The following RASAL2 variants were observed in gnomAD, a reference collection of about 807,000 sequenced individuals.
RASAL2 encodes RAS protein activator like 2.
RASAL2 carries 58 observed loss-of-function variants against 128.9 expected under a neutral mutation model. The observed-to-expected ratio is 0.45, with a 90% CI of 0.36 to 0.56. RASAL2 has a LOEUF of 0.56. Among genes scored for constraint, RASAL2 ranks in the 20% least tolerant of loss-of-function variants. The pLI is 0.00. For synonymous variants in RASAL2, 561 were observed against 580.8 expected (o/e 0.97, Z 0.49); for missense variants, 1,360 against 1,601.6 (o/e 0.85, Z 2.57).
intron 2 of RASAL2, among the ~76,000 whole-genome samples, chr1:178,289,507 GTCTC>G (rs1463034144): frequency 1.1e-4 from 17 of 151,996 alleles, no homozygotes; most frequent in Non-Finnish European, 2.1e-4. Context: ...AAAAGATGGA[GTCTC>G]ACTATGTTGC....
At chr1:178,440,655 C>A (rs1353985762) in intron 6 of RASAL2, among the ~76,000 whole-genome samples, 1 of 152,076 alleles carries the variant, frequency 6.6e-6, no homozygotes, top group East Asian at 1.9e-4. Context: ...GTTGAACTTT[C>A]TTGTATTTGC....
chr1:178,332,365 G>A (rs1374907555), intron 3 of RASAL2, among the ~76,000 whole-genome samples: 1 of 151,792 alleles, frequency 6.6e-6, no homozygotes, highest in Non-Finnish European at 1.5e-5. Context: ...AATTAGCCAG[G>A]GGTGGTGGCA....
chr1:178,172,952 T>TTAAAATTGTGTAAATTATTGTG (rs1661753112), intron 1 of RASAL2, among the ~76,000 whole-genome samples: 2 of 152,270 alleles, frequency 1.3e-5, no homozygotes. Context: ...TCAGTGTGTC[T>TTAAAATTGTGTAAATTATTGTG]TAAAATTGTG....
At chr1:178,419,516 G>A (rs1382322055) in intron 4 of RASAL2, among the ~76,000 whole-genome samples, 1 of 151,774 alleles carries the variant, frequency 6.6e-6, no homozygotes. Context: ...TTAAATTCCT[G>A]GCCTCAAGCT....
At chr1:178,220,117 A>G (rs1663566764) in intron 1 of RASAL2, among the ~76,000 whole-genome samples, 1 of 152,112 alleles carries the variant, frequency 6.6e-6, no homozygotes, top group South Asian at 2.1e-4. Flanking sequence ...AAGCTTCCTG[A>G]GGCTGTCACC....
At chr1:178,363,906 C>T (rs893687152) in intron 3 of RASAL2, among the ~76,000 whole-genome samples, 13 of 152,088 alleles carry the variant, frequency 8.5e-5, no homozygotes, top group African/African-American at 2.9e-4. Flanking sequence ...ACCATCCTGG[C>T]TAACACGGTG....
At chr1:178,103,155 T>C (rs777635995) in intron 1 of RASAL2, among the ~76,000 whole-genome samples, 1 of 152,180 alleles carries the variant, frequency 6.6e-6, no homozygotes, top group Non-Finnish European at 1.5e-5. Context: ...CTGATTTTTA[T>C]CTGCACTTTG....
At chr1:178,338,321 G>A (rs895646081) in intron 3 of RASAL2, among the ~76,000 whole-genome samples, 13 of 151,562 alleles carry the variant, frequency 8.6e-5, no homozygotes, top group Non-Finnish European at 1.6e-4. Context: ...ATAGAGATGG[G>A]GTTTTACCAT....
intron 1 of RASAL2, among the ~76,000 whole-genome samples, chr1:178,268,505 A>G (rs1008961871): frequency 2.0e-5 from 3 of 152,034 alleles, no homozygotes; most frequent in Non-Finnish European, 4.4e-5. Context: ...GTGGTGGTGC[A>G]TGTCTGTCAT....
At chr1:178,278,139 G>A (rs1156297975) in intron 1 of RASAL2, among the ~76,000 whole-genome samples, 1 of 152,154 alleles carries the variant, frequency 6.6e-6, no homozygotes, top group South Asian at 2.1e-4. Flanking sequence ...GCTTTTATAC[G>A]AAACTGATGA....
intron 4 of RASAL2, among the ~76,000 whole-genome samples, chr1:178,406,255 A>T (rs1478673624): frequency 6.6e-6 from 1 of 152,246 alleles, no homozygotes; most frequent in African/African-American, 2.4e-5. Context: ...CATACAGTGG[A>T]ATAAAAAGGA....
At chr1:178,127,159 T>C (rs1412024601) in intron 1 of RASAL2, among the ~76,000 whole-genome samples, 1 of 152,184 alleles carries the variant, frequency 6.6e-6, no homozygotes, top group Admixed American at 6.5e-5. Flanking sequence ...GTATAGTGGC[T>C]TGAAGATAGA....
In RASAL2 at chr1:178,231,108, A is replaced by G. The variant is rs746209740; in HGVS notation, c.203-52456A>G. On this transcript the variant is annotated intron_variant, in intron 1 of 17. Transcript: ENST00000367649. ...CTGATCACCAGTTTCATGTGTTTCT[A>G]TCTGTTGGGAAACTGCCTTTCCCTG... Among the ~76,000 whole-genome samples, 55 of 152,008 alleles carry G rather than the reference A, an allele frequency of 3.6e-4. No individual in the cohort carries two copies. The Middle Eastern group carries it at 9.5e-3, about 26-fold the overall frequency.
intron 1 of RASAL2, among the ~76,000 whole-genome samples, chr1:178,216,696 G>A (rs563991095): frequency 2.0e-5 from 3 of 152,270 alleles, no homozygotes; most frequent in African/African-American, 7.2e-5. Context: ...CTGAAGTGCA[G>A]TGGCACGATC....
Position 178,442,594 on chromosome 1 carries a change from T to G in RASAL2, c.928-81T>G, listed in dbSNP as rs559733444. The stretch of plus-strand genomic sequence containing the variant: ...TGACTCCCCTTAATAGAGTACCTAA[T>G]GAACATTGCCAACTTAAGAAAAAAA... On this transcript the variant is annotated intron_variant, in intron 7 of 17. Coordinates refer to ENST00000367649, the MANE Select transcript of RASAL2 (RefSeq NM_170692.4). 3.8e-5 allele frequency: 47 copies of G among 1,234,212 alleles called. No homozygotes were observed. The African/African-American group carries it at 6.9e-4, about 18-fold the overall frequency. The allele number at this position is 1,234,212 out of a possible 1,614,324, so 76.5% of individuals were successfully genotyped here.
At chr1:178,164,985 A>G (rs1022508062) in intron 1 of RASAL2, among the ~76,000 whole-genome samples, 4 of 152,030 alleles carry the variant, frequency 2.6e-5, no homozygotes, top group Non-Finnish European at 5.9e-5. Flanking sequence ...AAAGAAAAAT[A>G]CAACTATTTA....
chr1:178,263,725 TA>T (rs528017087), intron 1 of RASAL2, among the ~76,000 whole-genome samples: 23 of 148,804 alleles, frequency 1.5e-4, no homozygotes, highest in East Asian at 1.2e-3. Context: ...TAAAATCGTT[TA>T]AAAAAAAAAA....
At chr1:178,129,012 A>G (rs993256550) in intron 1 of RASAL2, among the ~76,000 whole-genome samples, 3 of 150,954 alleles carry the variant, frequency 2.0e-5, no homozygotes, top group African/African-American at 2.5e-5. Flanking sequence ...ACAAGTTTTT[A>G]TGTTAACATA....
At chr1:178,357,086 G>C (rs1340574580) in intron 3 of RASAL2, among the ~76,000 whole-genome samples, 2 of 152,148 alleles carry the variant, frequency 1.3e-5, no homozygotes. Context: ...TTGGTTTCCA[G>C]AAATAGAATC....
Sources: gnomAD v4.1 joint callset for allele counts (sites outside exome capture counted in the v4.1 genomes callset) on GRCh38, gnomAD v4.1.1 for gene constraint, MANE v1.5 for transcripts, NCBI Gene and HGNC (gene_info 2026-07-23, HGNC 2026-07-21) for gene names.